Variants in LDB2 observed in about 807,000 individuals in gnomAD.
The protein encoded by LDB2 is LIM domain-binding protein 2.
LDB2 carries 12 observed loss-of-function variants against 44.3 expected under a neutral mutation model. The observed-to-expected ratio is 0.27, with a 90% CI of 0.17 to 0.44. LDB2 has a LOEUF of 0.44. LDB2 is among the 20% of genes least tolerant of loss of function. The probability of loss-of-function intolerance (pLI) is 1.00; values close to 1 mark genes in which losing one functional copy is unlikely to be tolerated. For missense variants in LDB2, 344 were observed against 473.5 expected, an observed-to-expected ratio of 0.73 and a Z score of 2.54; for synonymous variants, 164 against 174.8, an observed-to-expected ratio of 0.94 and a Z score of 0.49.
intron 5 of LDB2, among the ~76,000 whole-genome samples, chr4:16,544,492 A>G (rs888313944): frequency 2.6e-5 from 4 of 152,194 alleles, no homozygotes; most frequent in African/African-American, 9.7e-5. Context: ...TTAAGCATAA[A>G]AGGCTCAATC....
intron 2 of LDB2, among the ~76,000 whole-genome samples, chr4:16,637,559 G>A (rs947012610): frequency 6.6e-6 from 1 of 151,756 alleles, no homozygotes; most frequent in African/African-American, 2.4e-5. Context: ...GGTTTAAAAC[G>A]GACTCAACAA....
At chr4:16,618,915 G>A (rs182256793) in intron 2 of LDB2, among the ~76,000 whole-genome samples, 11 of 152,180 alleles carry the variant, frequency 7.2e-5, no homozygotes, top group East Asian at 3.9e-4. Flanking sequence ...CAGTTCTCAC[G>A]AGAGATCTGG....
intron 2 of LDB2, among the ~76,000 whole-genome samples, chr4:16,649,217 T>A (rs1461380234): frequency 1.3e-5 from 2 of 152,214 alleles, no homozygotes; most frequent in Non-Finnish European, 2.9e-5. Context: ...TAAGCTGAAG[T>A]AAGAACTGCA....
intron 2 of LDB2, among the ~76,000 whole-genome samples, chr4:16,604,803 GATTC>G (rs1448001391): frequency 1.3e-5 from 2 of 152,090 alleles, no homozygotes; most frequent in South Asian, 2.1e-4. Flanking sequence ...TTTAGAAAAC[GATTC>G]ATTAATATAT....
intron 1 of LDB2, among the ~76,000 whole-genome samples, chr4:16,829,882 A>G (rs158262): frequency 1 from 151,910 of 152,256 alleles, 75,783 homozygotes; most frequent in Middle Eastern, 1. Context: ...CAAGGCAAGC[A>G]GATCACGAGG....
rs951356490 is a variant in LDB2, at chr4:16,512,092, A to G, written c.628T>C (p.Leu210=). Residue 210 remains leucine, a synonymous_variant, in exon 6 of 8, where the codon TTG becomes CTG. Transcript: ENST00000304523. ...TLNYLRLCVI[L]EPMQELMSRH... ...GACATCAGTTCCTGCATTGGCTCCA[A>G]TATTACACACAACTGCAAGAAGTTC... 10 of 1,611,234 alleles carry G rather than the reference A, an allele frequency of 6.2e-6. No homozygotes were observed. The highest frequency in any genetic ancestry group is 2.2e-5 in the East Asian group (1 of 44,788).
rs1197492654 is a variant in LDB2, at chr4:16,749,589, AATAT to A, written c.235+9565_235+9568del. Among the ~76,000 whole-genome samples, 905 of 143,364 alleles carry A rather than the reference AATAT, an allele frequency of 6.3e-3. 15 individuals carry two copies. Among genetic ancestry groups the A allele is most frequent in the African/African-American group, 0.022 (840 of 38,740 alleles). 94.1% of individuals were successfully genotyped at this position (143,364 alleles called of 152,430 possible). ...AAAAAAAAATAAAAAAATAAAAAAAAATATATATATATATATATGAGTCTCAAGT... is the reference window on the plus strand; with the variant it reads ...AAAAAAAAATAAAAAAATAAAAAAAAATATATATATATATGAGTCTCAAGT... On this transcript the variant is annotated intron_variant, in intron 2 of 7. Coordinates refer to ENST00000304523, the MANE Select transcript of LDB2 (RefSeq NM_001290.5).
chr4:16,639,687 G>A (rs929660448), intron 2 of LDB2, among the ~76,000 whole-genome samples: 3 of 152,142 alleles, frequency 2.0e-5, no homozygotes, highest in African/African-American at 4.8e-5. Flanking sequence ...CTCAAACTCC[G>A]GACCTCAGGT....
intron 5 of LDB2, among the ~76,000 whole-genome samples, chr4:16,578,700 G>C (rs1377724532): frequency 6.6e-6 from 1 of 152,116 alleles, no homozygotes; most frequent in Non-Finnish European, 1.5e-5. Context: ...CCATTCCTAA[G>C]TACCCAAAAG....
intron 2 of LDB2, among the ~76,000 whole-genome samples, chr4:16,727,107 C>T (rs533940557): frequency 7.6e-4 from 116 of 152,300 alleles, no homozygotes; most frequent in African/African-American, 2.6e-3. Context: ...TGAGAGAGAT[C>T]AGTTTCCTCT....
intron 5 of LDB2, among the ~76,000 whole-genome samples, chr4:16,525,704 T>A (rs917551878): frequency 6.6e-6 from 1 of 150,882 alleles, no homozygotes; most frequent in Non-Finnish European, 1.5e-5. Flanking sequence ...AATGAAGGAG[T>A]CAGATAATAA....
intron 1 of LDB2, among the ~76,000 whole-genome samples, chr4:16,887,308 G>T (rs1189605802): frequency 2.6e-5 from 4 of 152,024 alleles, no homozygotes; most frequent in Admixed American, 6.6e-5. Flanking sequence ...GCCCCGCTTG[G>T]GTTTGACTTC....
chr4:16,571,583 C>G (rs1206530791), intron 5 of LDB2, among the ~76,000 whole-genome samples: 1 of 152,142 alleles, frequency 6.6e-6, no homozygotes, highest in East Asian at 1.9e-4. Context: ...GGATGTAATC[C>G]CAGCCTGGCG....
At chr4:16,728,802 C>G (rs1760100941) in intron 2 of LDB2, among the ~76,000 whole-genome samples, 1 of 152,108 alleles carries the variant, frequency 6.6e-6, no homozygotes, top group South Asian at 2.1e-4. Flanking sequence ...GAGATGATGG[C>G]ACAATAAATG....
rs935544822 is a variant in LDB2, at chr4:16,582,659, C to G, written c.615+3263G>C. 2.6e-4 allele frequency among the ~76,000 whole-genome samples: 39 copies of G among 152,202 alleles called. No homozygotes were observed. Among genetic ancestry groups the G allele is most frequent in the Admixed American group, 3.3e-4 (5 of 15,286 alleles). On this transcript the variant is annotated intron_variant, in intron 5 of 7. Coordinates refer to ENST00000304523, the MANE Select transcript of LDB2 (RefSeq NM_001290.5). The surrounding 1 kb of genome is among the most constrained non-coding windows in gnomAD (Gnocchi z 4.8). ...GACTTCCCCATCCTGCAGGTCCCTT[C>G]CCAGCTCTGGCTTGGATAACTGCTG...
intron 1 of LDB2, among the ~76,000 whole-genome samples, chr4:16,848,402 AC>A (rs1311337001): frequency 1.3e-5 from 2 of 152,254 alleles, no homozygotes; most frequent in African/African-American, 4.8e-5. Flanking sequence ...TTGAGTATTC[AC>A]ATATTTGGCA....
intron 1 of LDB2, among the ~76,000 whole-genome samples, chr4:16,853,439 C>T (rs1187513559): frequency 1.3e-5 from 2 of 152,102 alleles, no homozygotes; most frequent in Non-Finnish European, 2.9e-5. Flanking sequence ...GAGATACCAC[C>T]TCACATCTGT....
chr4:16,858,126 A>C, intron 1 of LDB2, among the ~76,000 whole-genome samples: 1 of 152,158 alleles, frequency 6.6e-6, no homozygotes, highest in East Asian at 1.9e-4. Flanking sequence ...GCGTTATCTC[A>C]CACAATTCTA....
intron 1 of LDB2, among the ~76,000 whole-genome samples, chr4:16,886,290 A>G (rs1195215042): frequency 6.6e-6 from 1 of 152,184 alleles, no homozygotes; most frequent in Non-Finnish European, 1.5e-5. Flanking sequence ...AATTTTTAAA[A>G]TATCTATATG....
Sources: gnomAD v4.1 joint callset for allele counts (sites outside exome capture counted in the v4.1 genomes callset) on GRCh38, gnomAD v4.1.1 for gene constraint, Gnocchi (gnomAD v3.1) non-coding constraint, MANE v1.5 for transcripts, NCBI Gene and HGNC (gene_info 2026-07-23, HGNC 2026-07-21) for gene names.